The following SHROOM3 variants were observed in gnomAD, a reference collection of about 807,000 sequenced individuals.
SHROOM3 encodes protein Shroom3.
Under a neutral mutation model 138.6 loss-of-function variants are expected in SHROOM3, and 47 were observed. The ratio of observed to expected loss-of-function variants is 0.34; its 90% confidence interval spans 0.27 to 0.43. The LOEUF is 0.43. Among genes scored for constraint, SHROOM3 ranks in the 20% least tolerant of loss-of-function variants. SHROOM3 has a pLI of 1.00. For missense variants in SHROOM3, 2,491 were observed against 2,596.5 expected, an observed-to-expected ratio of 0.96 and a Z score of 0.88; for synonymous variants, 1,062 against 1,063.3, an observed-to-expected ratio of 1.00 and a Z score of 0.02.
intron 2 of SHROOM3, among the ~76,000 whole-genome samples, chr4:76,687,770 T>C (rs1035870810): frequency 6.6e-6 from 1 of 152,228 alleles, no homozygotes; most frequent in Admixed American, 6.5e-5. Flanking sequence ...CCATGCTGTG[T>C]GGGAGGTGAG....
intron 2 of SHROOM3, among the ~76,000 whole-genome samples, chr4:76,648,627 GATTTAGGTACCCACTCC>G (rs1735887634): frequency 6.6e-6 from 1 of 152,036 alleles, no homozygotes; most frequent in South Asian, 2.1e-4. Context: ...CTCCACTGAG[GATTTAGGTACCCACTCC>G]AGATCCAGAT....
intron 1 of SHROOM3, among the ~76,000 whole-genome samples, chr4:76,456,058 G>A (rs1444433296): frequency 6.6e-6 from 1 of 152,088 alleles, no homozygotes; most frequent in Non-Finnish European, 1.5e-5. Flanking sequence ...GCAGGCTGGA[G>A]TACAGTGGTG....
intron 1 of SHROOM3, among the ~76,000 whole-genome samples, chr4:76,475,671 T>A (rs2109984589): frequency 6.6e-6 from 1 of 152,324 alleles, no homozygotes; most frequent in Admixed American, 6.5e-5. Flanking sequence ...TAAGGGACAT[T>A]TAAGAGTCTA....
chr4:76,620,012 A>G (rs1734963987), intron 2 of SHROOM3, among the ~76,000 whole-genome samples: 1 of 146,322 alleles, frequency 6.8e-6, no homozygotes, highest in Non-Finnish European at 1.5e-5. Context: ...CAGGAGTTGC[A>G]GTGAGCCAAG....
chr4:76,713,334 A>AT (rs887191264), intron 3 of SHROOM3, among the ~76,000 whole-genome samples: 18 of 151,632 alleles, frequency 1.2e-4, no homozygotes, highest in African/African-American at 3.9e-4. Context: ...TTTTCATTGA[A>AT]TTTTTTTTTC....
chr4:76,755,594 G>T (rs1721779778), intron 7 of SHROOM3, among the ~76,000 whole-genome samples: 1 of 152,106 alleles, frequency 6.6e-6, no homozygotes, highest in African/African-American at 2.4e-5. Flanking sequence ...ATTGTAAGTG[G>T]GTCTCTTGAT....
Position 76,754,946 on chromosome 4 carries a change from G to C in SHROOM3, c.4463G>C (p.Arg1488Pro). The change falls in exon 7 of 11, where the codon CGA (arginine) becomes CCA (proline). Residue 1488 changes from arginine to proline, a missense_variant. Coordinates refer to ENST00000296043, the MANE Select transcript of SHROOM3 (RefSeq NM_020859.4). ...APSTPGRISL[R>P]ISESVLRDSP... is the part of the protein sequence containing the mutation. ...AGCACTCCAGGGAGGATCTCCCTCCGAATATCTGAGTCTGTCCTGCGGGAC... is the reference window on the plus strand; with the variant it reads ...AGCACTCCAGGGAGGATCTCCCTCCCAATATCTGAGTCTGTCCTGCGGGAC... 6.2e-7 allele frequency: 1 copy of C among 1,614,176 alleles called. No homozygotes were observed. The highest frequency in any genetic ancestry group is 8.5e-7 in the Non-Finnish European group (1 of 1,180,016).
chr4:76,660,878 C>T (rs931116851), intron 2 of SHROOM3, among the ~76,000 whole-genome samples: 5 of 152,174 alleles, frequency 3.3e-5, no homozygotes, highest in African/African-American at 1.2e-4. Flanking sequence ...TCATAGCTCA[C>T]TGCAGCCCTG....
At chr4:76,676,944 C>CAAAAAAAAAAAAAAAAAAAAAAAA (rs58270392) in intron 2 of SHROOM3, among the ~76,000 whole-genome samples, 2 of 79,046 alleles carry the variant, frequency 2.5e-5, no homozygotes, top group African/African-American at 1.1e-4. Context: ...CTCCGTCTCA[C>CAAAAAAAAAAAAAAAAAAAAAAAA]AAAAAAAAAA....
intron 6 of SHROOM3, among the ~76,000 whole-genome samples, chr4:76,752,358 G>A (rs1721652244): frequency 6.6e-6 from 1 of 152,168 alleles, no homozygotes; most frequent in Non-Finnish European, 1.5e-5. Context: ...AGTTGTGAAA[G>A]TTCTGGAGAT....
intron 5 of SHROOM3, among the ~76,000 whole-genome samples, chr4:76,748,353 C>T (rs1721509366): frequency 6.6e-6 from 1 of 151,974 alleles, no homozygotes; most frequent in African/African-American, 2.4e-5. Flanking sequence ...TCATCAATGG[C>T]AACATCATCA....
chr4:76,580,869 C>T (rs1734038540), intron 2 of SHROOM3, among the ~76,000 whole-genome samples: 1 of 152,236 alleles, frequency 6.6e-6, no homozygotes. Flanking sequence ...CTAGTAAACA[C>T]TCTACTAAGT....
Position 76,754,527 on chromosome 4 carries a change from T to C in SHROOM3, c.4044T>C (p.Ala1348=). The C allele has an allele frequency of 6.2e-7, 1 of 1,613,666 alleles. No homozygotes were observed. The highest frequency in any genetic ancestry group is 8.5e-7 in the Non-Finnish European group (1 of 1,179,680). The change falls in exon 7 of 11, where the codon GCT becomes GCC. Residue 1348 remains alanine, a synonymous_variant. Transcript: ENST00000296043. ...AAGGGCTGGTCACAGACACCAGGGC[T>C]GCACCCCTGACCCCAATTGGCACCC... is the stretch of plus-strand genomic sequence containing the variant. The part of the protein sequence containing the change: ...GTQGLVTDTR[A]APLTPIGTPL...
At chr4:76,676,594 A>G (rs1220604192) in intron 2 of SHROOM3, among the ~76,000 whole-genome samples, 1 of 152,194 alleles carries the variant, frequency 6.6e-6, no homozygotes, top group Non-Finnish European at 1.5e-5. Flanking sequence ...GAGGTTGGCT[A>G]GAATTTCCAT....
At chr4:76,588,863 C>T (rs1734204172) in intron 2 of SHROOM3, among the ~76,000 whole-genome samples, 1 of 151,224 alleles carries the variant, frequency 6.6e-6, no homozygotes, top group South Asian at 2.1e-4. Context: ...TTAGGCCAAA[C>T]CCCTAAAAGG....
intron 2 of SHROOM3, among the ~76,000 whole-genome samples, chr4:76,700,479 A>T (rs1232158180): frequency 1.3e-5 from 2 of 152,196 alleles, no homozygotes; most frequent in Non-Finnish European, 2.9e-5. Flanking sequence ...AAAGTGAATG[A>T]CAAGGAGAGG....
chr4:76,647,818 C>G (rs1368995862), intron 2 of SHROOM3, among the ~76,000 whole-genome samples: 1 of 151,336 alleles, frequency 6.6e-6, no homozygotes, highest in Non-Finnish European at 1.5e-5. Flanking sequence ...ATTGCTTGAG[C>G]CCTGGAGGTT....
intron 1 of SHROOM3, among the ~76,000 whole-genome samples, chr4:76,502,634 T>A (rs1331859350): frequency 3.3e-5 from 5 of 152,158 alleles, no homozygotes; most frequent in Admixed American, 2.0e-4. Context: ...TTTGTGAGAG[T>A]AGAGAGATTC....
intron 9 of SHROOM3, among the ~76,000 whole-genome samples, chr4:76,763,140 C>T (rs1389942489): frequency 6.6e-6 from 1 of 152,128 alleles, no homozygotes; most frequent in Non-Finnish European, 1.5e-5. Flanking sequence ...AATCCCAGCA[C>T]TTTGGGAGGC....
Sources: allele counts gnomAD v4.1 joint callset (sites outside exome capture counted in the v4.1 genomes callset), GRCh38; gene constraint gnomAD v4.1.1; transcripts MANE v1.5; gene names NCBI Gene and HGNC (gene_info 2026-07-23, HGNC 2026-07-21).